The following MICAL3 variants were observed in gnomAD, a reference collection of about 807,000 sequenced individuals.
MICAL3 encodes the protein [F-actin]-monooxygenase MICAL3.
In MICAL3, 62 loss-of-function variants were observed where a neutral mutation model predicts 207.4. The observed-to-expected ratio is 0.30, with a 90% CI of 0.24 to 0.37. The LOEUF (loss-of-function observed/expected upper bound fraction) is 0.37. Ranked by LOEUF, MICAL3 falls within the 10% of genes least tolerant of loss-of-function variation. The pLI is 1.00. For synonymous variants in MICAL3, 1,077 were observed against 1,069.3 expected, an observed-to-expected ratio of 1.01 and a Z score of -0.14; for missense variants, 2,368 against 2,635.6, an observed-to-expected ratio of 0.90 and a Z score of 2.22.
chr22:17,972,678 G>C (rs978446453), intron 1 of MICAL3, among the ~76,000 whole-genome samples: 1 of 152,174 alleles, frequency 6.6e-6, no homozygotes, highest in Non-Finnish European at 1.5e-5. Context: ...GAGTAAGACT[G>C]TCTGCCCCAG....
At chr22:17,821,317 G>T in intron 25 of MICAL3, 110 bp downstream of exon 25, 1 of 884,814 alleles carries the variant, frequency 1.1e-6, no homozygotes, top group Non-Finnish European at 1.7e-6. Context: ...GGCTATGTTA[G>T]CCCCAGTCTT....
intron 19 of MICAL3, among the ~76,000 whole-genome samples, chr22:17,851,142 T>C (rs1418421307): frequency 6.6e-6 from 1 of 152,234 alleles, no homozygotes; most frequent in Non-Finnish European, 1.5e-5. Flanking sequence ...GTAGCGGTTA[T>C]GCGCTGGGAT....
intron 1 of MICAL3, among the ~76,000 whole-genome samples, chr22:17,991,177 A>G (rs1921639548): frequency 6.6e-6 from 1 of 152,180 alleles, no homozygotes; most frequent in Non-Finnish European, 1.5e-5. Context: ...GTGCCGCACC[A>G]ACAGGCCCAG....
chr22:17,821,324 T>G (rs946471779), intron 25 of MICAL3, 103 bp downstream of exon 25: 2 of 989,514 alleles, frequency 2.0e-6, no homozygotes, highest in African/African-American at 3.5e-5. Flanking sequence ...TTAGCCCCAG[T>G]CTTGGTGGGA....
intron 2 of MICAL3, among the ~76,000 whole-genome samples, chr22:17,905,876 G>C (rs1365308448): frequency 1.3e-5 from 2 of 152,184 alleles, no homozygotes; most frequent in African/African-American, 4.8e-5. Flanking sequence ...GGTGAAGAAA[G>C]CAACAGAAAT....
At chr22:17,964,845 C>T (rs773846544) in intron 1 of MICAL3, among the ~76,000 whole-genome samples, 4 of 152,246 alleles carry the variant, frequency 2.6e-5, no homozygotes, top group Non-Finnish European at 5.9e-5. Context: ...TCAGCTGGGA[C>T]ACTGGCTGGT....
At chr22:17,881,800 C>T (rs1278104072) in intron 16 of MICAL3, among the ~76,000 whole-genome samples, 1 of 152,208 alleles carries the variant, frequency 6.6e-6, no homozygotes, top group East Asian at 1.9e-4. Context: ...AGGAAACTAA[C>T]AAGGAAATGC....
chr22:17,818,963 G>C lies in MICAL3; in HGVS notation c.3698C>G (p.Ala1233Gly), dbSNP rs1298094398. The C allele has an allele frequency of 6.2e-7, 1 of 1,605,186 alleles. No individual in the cohort carries two copies. Among genetic ancestry groups the C allele is most frequent in the Non-Finnish European group, 8.5e-7 (1 of 1,176,024 alleles). ...IRSQPVTLPE[A>G]RTPVSPGSPQ... Reference sequence around the variant, plus strand: ...GCTCCCTGGTGAGACAGGAGTCCTAGCTTCTGGCAGGGTCACTGGCTGTGA... The same window carrying C: ...GCTCCCTGGTGAGACAGGAGTCCTACCTTCTGGCAGGGTCACTGGCTGTGA... The change falls in exon 26 of 32, where the codon GCT becomes GGT. Residue 1233 changes from alanine (A) to glycine (G), a missense_variant. Around this residue, in one of 4 missense-constraint regions of MICAL3, gnomAD observed 1,770 missense variants for 1,863.2 expected, o/e 0.95. Transcript: ENST00000441493.
chr22:17,834,886 C>T (rs1228344802), intron 20 of MICAL3, among the ~76,000 whole-genome samples: 1 of 152,204 alleles, frequency 6.6e-6, no homozygotes, highest in Non-Finnish European at 1.5e-5. Context: ...GCTAAGGATG[C>T]ATCTATGCTC....
intron 1 of MICAL3, among the ~76,000 whole-genome samples, chr22:17,926,631 A>G (rs533663711): frequency 2.8e-4 from 42 of 152,298 alleles, no homozygotes; most frequent in African/African-American, 9.9e-4. Flanking sequence ...AATTCTAGTA[A>G]AACTGCCATC....
intron 1 of MICAL3, among the ~76,000 whole-genome samples, chr22:17,914,018 C>T (rs569413077): frequency 2.6e-5 from 4 of 152,248 alleles, no homozygotes; most frequent in South Asian, 2.1e-4. Context: ...AGTAAGGTAA[C>T]GAATGTAAAA....
At chr22:17,946,492 G>A (rs1934073506) in intron 1 of MICAL3, among the ~76,000 whole-genome samples, 1 of 152,002 alleles carries the variant, frequency 6.6e-6, no homozygotes, top group Admixed American at 6.6e-5. Context: ...ATGTGCAAAA[G>A]ATCCCTCAGG....
chr22:17,838,155 A>C (rs904990878), intron 20 of MICAL3, among the ~76,000 whole-genome samples: 15 of 152,340 alleles, frequency 9.8e-5, no homozygotes, highest in African/African-American at 3.4e-4. Context: ...TATCAGAGAA[A>C]TTTAGAAACA....
intron 19 of MICAL3, among the ~76,000 whole-genome samples, chr22:17,857,142 G>A (rs145193176): frequency 2.0e-5 from 3 of 152,316 alleles, no homozygotes; most frequent in Non-Finnish European, 1.5e-5. Flanking sequence ...TACTCTGGCA[G>A]GAGTCCCCAC....
intron 1 of MICAL3, among the ~76,000 whole-genome samples, chr22:17,931,112 T>C (rs950229070): frequency 2.0e-5 from 3 of 152,056 alleles, no homozygotes. Context: ...ATCCCCACCA[T>C]CTGGACCCCC....
At chr22:17,792,917 A>C (rs1411298829) in intron 29 of MICAL3, among the ~76,000 whole-genome samples, 1 of 152,188 alleles carries the variant, frequency 6.6e-6, no homozygotes, top group Non-Finnish European at 1.5e-5. Context: ...TTGCTTTCGG[A>C]GCGTCTCTGC....
intron 19 of MICAL3, chr22:17,862,262 C>T (rs1926596554): frequency 6.0e-6 from 5 of 826,668 alleles, no homozygotes; most frequent in Admixed American, 6.5e-5. Flanking sequence ...CCCTTTTCTT[C>T]TTTTTTTTTT....
chr22:17,921,160 T>C (rs1162420713), intron 1 of MICAL3, among the ~76,000 whole-genome samples: 1 of 152,224 alleles, frequency 6.6e-6, no homozygotes, highest in Non-Finnish European at 1.5e-5. Context: ...GTCATCTCTC[T>C]GCCCACCTGT....
Position 17,788,212 on chromosome 22 carries a change from G to A in MICAL3, c.*2520C>T, listed in dbSNP as rs577324166. ...AAAAAAAGTGCTCTACTAGAACTGG[G>A]TGTCCTCACAGTCGGGAGCAGAAGG... On this transcript the variant is annotated 3_prime_UTR_variant, in exon 32 of 32. Transcript: ENST00000441493. 3.3e-5 allele frequency: 5 copies of A among 152,394 alleles called. No individual in the cohort carries two copies. Among genetic ancestry groups the A allele is most frequent in the African/African-American group, 9.6e-5 (4 of 41,598 alleles). The allele number at this position is 152,394 out of a possible 1,614,324, so 9.4% of individuals were successfully genotyped here.
Sources: gnomAD v4.1 joint callset for allele counts (sites outside exome capture counted in the v4.1 genomes callset) on GRCh38, gnomAD v4.1.1 for gene constraint, gnomAD v4.1.1 regional missense constraint, MANE v1.5 for transcripts, NCBI Gene and HGNC (gene_info 2026-07-23, HGNC 2026-07-21) for gene names.